SLCO5A1: variants seen among roughly 807,000 people sequenced by gnomAD.
SLCO5A1 encodes solute carrier organic anion transporter family member 5A1.
A neutral mutation model predicts 65.1 loss-of-function variants in SLCO5A1; 39 were observed. The observed-to-expected ratio is 0.60, with a 90% confidence interval of 0.46 to 0.78. SLCO5A1 has a LOEUF of 0.78. Ranked by LOEUF, SLCO5A1 falls within the 30% of genes least tolerant of loss-of-function variation. The pLI is 0.00. For synonymous variants in SLCO5A1, 438 were observed against 415.7 expected (o/e 1.05, Z -0.65); for missense variants, 1,029 against 1,069.4 (o/e 0.96, Z 0.53).
At chr8:69,819,634 A>G (rs6472489) in intron 2 of SLCO5A1, among the ~76,000 whole-genome samples, 79,167 of 151,970 alleles carry the variant, frequency 0.52, 20,818 homozygotes, top group African/African-American at 0.59. Context: ...AATGCTACAG[A>G]GTGCTTAGAA....
chr8:69,704,531 T>C (rs1452072850), intron 6 of SLCO5A1, among the ~76,000 whole-genome samples: 1 of 152,048 alleles, frequency 6.6e-6, no homozygotes, highest in East Asian at 1.9e-4. Context: ...AAAATACATA[T>C]CCACAATGTC....
At chr8:69,809,903 G>C (rs1293544778) in intron 2 of SLCO5A1, among the ~76,000 whole-genome samples, 6 of 152,078 alleles carry the variant, frequency 3.9e-5, no homozygotes, top group Non-Finnish European at 8.8e-5. Context: ...GAGAGCAGGG[G>C]AATATGGAGC....
intron 3 of SLCO5A1, among the ~76,000 whole-genome samples, chr8:69,758,617 G>A (rs998203656): frequency 6.6e-6 from 1 of 152,060 alleles, no homozygotes; most frequent in African/African-American, 2.4e-5. Flanking sequence ...GAGAAATACA[G>A]CAAATAAACA....
chr8:69,692,682 C>T (rs1814322859), intron 6 of SLCO5A1, among the ~76,000 whole-genome samples: 1 of 152,166 alleles, frequency 6.6e-6, no homozygotes, highest in South Asian at 2.1e-4. Context: ...CACAAACACA[C>T]ACATTAGCCT....
chr8:69,822,337 T>C (rs746230906), intron 2 of SLCO5A1, among the ~76,000 whole-genome samples: 11 of 152,128 alleles, frequency 7.2e-5, no homozygotes, highest in Non-Finnish European at 1.3e-4. Context: ...TATGCATTAC[T>C]TAAATGTTCA....
chr8:69,720,673 C>T (rs1305111558), intron 5 of SLCO5A1, among the ~76,000 whole-genome samples: 3 of 152,226 alleles, frequency 2.0e-5, no homozygotes, highest in Non-Finnish European at 4.4e-5. Context: ...AAATATATTA[C>T]TACCTCATGA....
At chr8:69,796,660 G>GTA (rs1022927959) in intron 2 of SLCO5A1, among the ~76,000 whole-genome samples, 2 of 150,502 alleles carry the variant, frequency 1.3e-5, no homozygotes, top group African/African-American at 2.4e-5. Flanking sequence ...ATATATACAT[G>GTA]TATATATATT....
At chr8:69,764,272 G>C (rs931354950) in intron 2 of SLCO5A1, among the ~76,000 whole-genome samples, 7 of 152,124 alleles carry the variant, frequency 4.6e-5, no homozygotes, top group African/African-American at 1.7e-4. Context: ...GAGTAAATAA[G>C]GAAGCTTTGC....
Position 69,832,604 on chromosome 8 carries a change from C to CA in SLCO5A1, c.69dup (p.Val24CysfsTer13). 1 of 1,612,078 alleles carries CA rather than the reference C, an allele frequency of 6.2e-7. No homozygotes were observed. The highest frequency in any genetic ancestry group is 8.5e-7 in the Non-Finnish European group (1 of 1,179,862). On this transcript the variant is annotated frameshift_variant, in exon 2 of 10. Transcript: ENST00000260126. LOFTEE classifies it high-confidence loss of function. This position sits in a 1 kb window ranked among gnomAD's most constrained non-coding sequence, Gnocchi z 4.5. ...GTCTCCGGCTCGCACCTCTCTTGGA[C>CA]AGCTTCTGCAGTGGCCGGCGCCTCC...
intron 6 of SLCO5A1, among the ~76,000 whole-genome samples, chr8:69,695,278 T>C (rs2130801826): frequency 6.6e-6 from 1 of 152,198 alleles, no homozygotes; most frequent in South Asian, 2.1e-4. Flanking sequence ...GCGGATCACG[T>C]AAGGTCAGGA....
At chr8:69,811,886 A>G (rs1319120133) in intron 2 of SLCO5A1, among the ~76,000 whole-genome samples, 1 of 152,214 alleles carries the variant, frequency 6.6e-6, no homozygotes, top group Non-Finnish European at 1.5e-5. Flanking sequence ...ACCACTGGCC[A>G]GGACAAAGTG....
rs192341791 is a variant in SLCO5A1 at position 69,821,252 on chromosome 8, G to A, written c.907+10515C>T. ...CGCACCCCTGTAATCCCAGCTACTC[G>A]GGAAGCTGAGGCAGGAGAATCGCTT... On this transcript the variant is annotated intron_variant, in intron 2 of 9. Transcript: ENST00000260126. Among the ~76,000 whole-genome samples, 321 of 152,076 alleles carry A rather than the reference G, an allele frequency of 2.1e-3. 2 individuals carry two copies. The highest frequency in any genetic ancestry group is 7.3e-3 in the African/African-American group (301 of 41,486).
chr8:69,828,698 C>T (rs957100218), intron 2 of SLCO5A1, among the ~76,000 whole-genome samples: 1 of 152,200 alleles, frequency 6.6e-6, no homozygotes, highest in African/African-American at 2.4e-5. Flanking sequence ...CCACCCCTAC[C>T]TTGCACTGGC....
chr8:69,782,677 C>T (rs1276723941), intron 2 of SLCO5A1, among the ~76,000 whole-genome samples: 1 of 151,860 alleles, frequency 6.6e-6, no homozygotes, highest in Non-Finnish European at 1.5e-5. Context: ...AGTTAACATG[C>T]CTAAGCCTTT....
chr8:69,807,687 A>C (rs1820055154), intron 2 of SLCO5A1, among the ~76,000 whole-genome samples: 1 of 151,896 alleles, frequency 6.6e-6, no homozygotes. Flanking sequence ...AAATGACAGA[A>C]TTTCCTGTTT....
intron 2 of SLCO5A1, among the ~76,000 whole-genome samples, chr8:69,768,369 G>A (rs963973378): frequency 3.3e-5 from 5 of 152,068 alleles, no homozygotes; most frequent in African/African-American, 1.2e-4. Context: ...TCCCAACCTT[G>A]GCAAGATGTA....
chr8:69,679,417 G>C lies in SLCO5A1; in HGVS notation c.1985C>G (p.Thr662Arg), dbSNP rs1278456461. 3 of 1,614,098 alleles carry C rather than the reference G, an allele frequency of 1.9e-6. No individual in the cohort carries two copies. The highest frequency in any genetic ancestry group is 2.5e-6 in the Non-Finnish European group (3 of 1,180,028). Reference sequence around the variant, plus strand: ...GATAGCTGATGGTTGGGCACATGCTGTGATGAAGGTGACTATGAAAAGAAA... The same window carrying C: ...GATAGCTGATGGTTGGGCACATGCTCTGATGAAGGTGACTATGAAAAGAAA... ...LVFLFIVTFI[T>R]ACAQPSAIIV... Residue 662 changes from threonine to arginine, a missense_variant, in exon 8 of 10, where the codon ACA becomes AGA. By Grantham distance (71) the Thr-to-Arg change is moderately conservative (BLOSUM62 -1). Coordinates refer to ENST00000260126, the MANE Select transcript of SLCO5A1 (RefSeq NM_030958.3).
chr8:69,787,532 A>C (rs1819083487), intron 2 of SLCO5A1, among the ~76,000 whole-genome samples: 1 of 152,212 alleles, frequency 6.6e-6, no homozygotes, highest in African/African-American at 2.4e-5. Context: ...CATTTTACAA[A>C]AGTAAAATGG....
At position 69,669,288 on chromosome 8, in the gene SLCO5A1, C is replaced by A. The variant is rs1167121461; in HGVS notation, c.*3581G>T. The A allele has an allele frequency of 6.6e-6, 1 of 151,994 alleles. No individual in the cohort carries two copies. Among genetic ancestry groups the A allele is most frequent in the African/African-American group, 2.4e-5 (1 of 41,360 alleles). The allele number at this position is 151,994 out of a possible 1,614,324, so 9.4% of individuals were successfully genotyped here. Reference sequence around the variant, plus strand: ...AGTTTTTTTTATTTACACAAAAAAACCTCTCTACTCTTCATAAACGGTAAT... The same window carrying A: ...AGTTTTTTTTATTTACACAAAAAAAACTCTCTACTCTTCATAAACGGTAAT... On this transcript the variant is annotated 3_prime_UTR_variant, in exon 10 of 10. Coordinates refer to ENST00000260126, the MANE Select transcript of SLCO5A1 (RefSeq NM_030958.3).
Sources: gnomAD v4.1 joint callset for allele counts (sites outside exome capture counted in the v4.1 genomes callset) on GRCh38, gnomAD v4.1.1 for gene constraint, Gnocchi (gnomAD v3.1) non-coding constraint, MANE v1.5 for transcripts, NCBI Gene and HGNC (gene_info 2026-07-23, HGNC 2026-07-21) for gene names.